EXT1: variants seen among roughly 807,000 people sequenced by gnomAD.
EXT1 encodes the protein exostosin glycosyltransferase 1.
EXT1 carries 20 observed loss-of-function variants against 82.5 expected under a neutral mutation model. That is an observed-to-expected ratio of 0.24 (90% CI 0.17 to 0.35). The LOEUF is 0.35. Ranked by LOEUF, EXT1 falls within the 10% of genes least tolerant of loss-of-function variation. EXT1 has a pLI of 1.00. For synonymous variants in EXT1, 348 were observed against 350.8 expected (o/e 0.99, Z 0.09); for missense variants, 757 against 936.5 (o/e 0.81, Z 2.50).
chr8:117,867,373 TGAAA>T (rs1812793094), intron 1 of EXT1, among the ~76,000 whole-genome samples: 1 of 150,466 alleles, frequency 6.6e-6, no homozygotes, highest in Admixed American at 6.6e-5. Flanking sequence ...TGGGGAGAGA[TGAAA>T]GAATGGGGTG....
chr8:117,869,538 A>T (rs1812834062), intron 1 of EXT1, among the ~76,000 whole-genome samples: 1 of 152,212 alleles, frequency 6.6e-6, no homozygotes, highest in Non-Finnish European at 1.5e-5. Flanking sequence ...AATAAAACAC[A>T]CTTAGTAAAT....
intron 1 of EXT1, among the ~76,000 whole-genome samples, chr8:117,971,347 A>G (rs1814935957): frequency 6.6e-6 from 1 of 152,230 alleles, no homozygotes. Context: ...ATTATATGAT[A>G]AACTTTGGCC....
At chr8:118,068,844 G>A (rs1439738255) in intron 1 of EXT1, among the ~76,000 whole-genome samples, 1 of 152,052 alleles carries the variant, frequency 6.6e-6, no homozygotes, top group Admixed American at 6.6e-5. Flanking sequence ...AAATTTTTTA[G>A]AAGAGTTGTT....
chr8:118,095,663 T>C (rs1053353568), intron 1 of EXT1, among the ~76,000 whole-genome samples: 17 of 152,356 alleles, frequency 1.1e-4, no homozygotes, highest in Middle Eastern at 3.4e-3. Context: ...GCTTCAGATA[T>C]ACAGACCTAG....
intron 1 of EXT1, 34 bp from the exon 2 acceptor site, chr8:117,837,235 G>T: frequency 2.0e-6 from 3 of 1,524,458 alleles, no homozygotes; most frequent in South Asian, 1.1e-5. Flanking sequence ...AGCAAATGAA[G>T]ACTCATTGCG....
At chr8:117,925,124 G>A (rs1813928396) in intron 1 of EXT1, among the ~76,000 whole-genome samples, 1 of 152,166 alleles carries the variant, frequency 6.6e-6, no homozygotes, top group Non-Finnish European at 1.5e-5. Context: ...AGATTCTAAA[G>A]TGGGTATCTT....
At chr8:117,966,975 T>C (rs1048847684) in intron 1 of EXT1, among the ~76,000 whole-genome samples, 1 of 152,208 alleles carries the variant, frequency 6.6e-6, no homozygotes, top group African/African-American at 2.4e-5. Context: ...TATATTTTGA[T>C]GTGATCCTAA....
At chr8:117,990,445 T>A (rs1251920951) in intron 1 of EXT1, among the ~76,000 whole-genome samples, 1 of 152,186 alleles carries the variant, frequency 6.6e-6, no homozygotes, top group Non-Finnish European at 1.5e-5. Context: ...TGAAGCGATA[T>A]CTCGACACAT....
At chr8:117,891,528 GA>G (rs11295136) in intron 1 of EXT1, among the ~76,000 whole-genome samples, 143,643 of 151,864 alleles carry the variant, frequency 0.95, 68,251 homozygotes, top group Non-Finnish European at 1. Flanking sequence ...GCCCTTGAGT[GA>G]AAAAAAAATG....
chr8:118,023,540 G>A (rs991113546), intron 1 of EXT1, among the ~76,000 whole-genome samples: 2 of 152,152 alleles, frequency 1.3e-5, no homozygotes, highest in African/African-American at 2.4e-5. Context: ...TTCCTAGCAG[G>A]CTCTCAGGCT....
Position 118,110,375 on chromosome 8 carries a change from T to C in EXT1, c.672A>G (p.Glu224=). The C allele has an allele frequency of 6.2e-7, 1 of 1,614,176 alleles. No individual in the cohort carries two copies. Among genetic ancestry groups the C allele is most frequent in the African/African-American group, 1.3e-5 (1 of 75,050 alleles). The change falls in exon 1 of 11, where the codon GAA becomes GAG. Residue 224 remains glutamate (E), a synonymous_variant. Coordinates refer to ENST00000378204, the MANE Select transcript of EXT1 (RefSeq NM_000127.3). ...AMLAKASIST[E]NFRPNFDVSI... is the part of the protein sequence containing the mutation. ...AAACATCAAAGTTGGGTCGGAAGTT[T>C]TCAGTACTGATGCTGGCTTTGGCCA...
intron 1 of EXT1, among the ~76,000 whole-genome samples, chr8:117,882,704 C>T (rs939642380): frequency 1.3e-5 from 2 of 152,070 alleles, no homozygotes; most frequent in East Asian, 1.9e-4. Flanking sequence ...CGGCCAGGCA[C>T]AGTGGCTCAT....
At chr8:117,968,065 C>A (rs977366976) in intron 1 of EXT1, among the ~76,000 whole-genome samples, 10 of 152,174 alleles carry the variant, frequency 6.6e-5, no homozygotes, top group African/African-American at 2.4e-4. Flanking sequence ...ACATGTATCT[C>A]TTAACATCAT....
chr8:118,082,878 A>C (rs1817356552), intron 1 of EXT1, among the ~76,000 whole-genome samples: 1 of 152,212 alleles, frequency 6.6e-6, no homozygotes, highest in African/African-American at 2.4e-5. Flanking sequence ...CTGAAATTGA[A>C]AATAGAGAAG....
intron 1 of EXT1, among the ~76,000 whole-genome samples, chr8:117,884,672 T>C (rs556451460): frequency 1.3e-5 from 2 of 152,288 alleles, no homozygotes; most frequent in South Asian, 2.1e-4. Flanking sequence ...ATTCTGTTCA[T>C]TGCACTGAAA....
At chr8:118,014,816 C>T (rs925419892) in intron 1 of EXT1, among the ~76,000 whole-genome samples, 1 of 152,070 alleles carries the variant, frequency 6.6e-6, no homozygotes, top group African/African-American at 2.4e-5. Context: ...AAAACCTCAA[C>T]CCCAGGCCCA....
chr8:117,912,044 T>A (rs1040094953), intron 1 of EXT1, among the ~76,000 whole-genome samples: 10 of 151,810 alleles, frequency 6.6e-5, no homozygotes, highest in African/African-American at 2.4e-4. Flanking sequence ...AGAGAGAGGA[T>A]AAGAGAGCTA....
rs551200800 is a variant in EXT1, at chr8:117,902,528, T to C, written c.963-65327A>G. Among the ~76,000 whole-genome samples the C allele has an allele frequency of 2.0e-5, 3 of 152,294 alleles. No individual in the cohort carries two copies. In the East Asian group the frequency reaches 5.8e-4, roughly 29 times the overall value. ...TAGGAATTTCTCAGTTCCATTAAGA[T>C]CTTATAAGCCCAGCATCTTCTATGA... On this transcript the variant is annotated intron_variant, in intron 1 of 10. Coordinates refer to ENST00000378204, the MANE Select transcript of EXT1 (RefSeq NM_000127.3).
At chr8:117,917,065 G>A (rs1813766468) in intron 1 of EXT1, among the ~76,000 whole-genome samples, 2 of 152,078 alleles carry the variant, frequency 1.3e-5, no homozygotes, top group Non-Finnish European at 2.9e-5. Context: ...TGTAATATCA[G>A]TAATAATACT....
Sources: gnomAD v4.1 joint callset for allele counts (sites outside exome capture counted in the v4.1 genomes callset) on GRCh38, gnomAD v4.1.1 for gene constraint, MANE v1.5 for transcripts, NCBI Gene and HGNC (gene_info 2026-07-23, HGNC 2026-07-21) for gene names.